LYSET: variants seen among roughly 807,000 people sequenced by gnomAD.
The protein encoded by LYSET is lysosomal enzyme trafficking factor.
chr14:93,186,355 T>C, the LYSET span: 1 of 1,614,096 alleles, frequency 6.2e-7, no homozygotes, highest in Non-Finnish European at 8.5e-7. Flanking sequence ...TTTTACTATG[T>C]TTTTGAAATC....
At chr14:93,186,690 C>G in the LYSET span, 2 of 1,567,232 alleles carry the variant, frequency 1.3e-6, no homozygotes, top group Non-Finnish European at 1.7e-6. Context: ...ACCGTTTTTT[C>G]CCTACGATTA....
the LYSET span, chr14:93,186,281 G>C: frequency 2.5e-5 from 41 of 1,613,976 alleles, no homozygotes; most frequent in Admixed American, 6.8e-4. Context: ...GGAGAATGAT[G>C]AACTTCCGTC....
the LYSET span, chr14:93,185,555 C>T: frequency 7.7e-7 from 1 of 1,300,854 alleles, no homozygotes; most frequent in Non-Finnish European, 1.1e-6. Flanking sequence ...ACGTCTGAAG[C>T]AGTACTGTTA....
the LYSET span, chr14:93,187,188 T>TA: frequency 6.1e-6 from 1 of 163,770 alleles, no homozygotes; most frequent in South Asian, 2.1e-4. Context: ...GAGGCATTGC[T>TA]AAAAAATTAT....
At chr14:93,187,910 C>G in the LYSET span, among the ~76,000 whole-genome samples, 1 of 151,978 alleles carries the variant, frequency 6.6e-6, no homozygotes, top group Non-Finnish European at 1.5e-5. Flanking sequence ...GCGTCAGCCT[C>G]CCAAAGGCCT....
At chr14:93,188,319 G>A in the LYSET span, among the ~76,000 whole-genome samples, 3 of 152,158 alleles carry the variant, frequency 2.0e-5, no homozygotes, top group African/African-American at 4.8e-5. Context: ...ATGCTATCAA[G>A]TCATAATCTT....
At chr14:93,185,242 C>T in the LYSET span, 27 of 495,492 alleles carry the variant, frequency 5.4e-5, no homozygotes, top group South Asian at 7.2e-4. Flanking sequence ...GGGTCAGGTT[C>T]TCAGAGCGGG....
chr14:93,185,527 T>A, the LYSET span: 1 of 1,523,450 alleles, frequency 6.6e-7, no homozygotes, highest in Non-Finnish European at 9.1e-7. Context: ...GGGGCTTGAC[T>A]TGTAGCACCC....
the LYSET span, among the ~76,000 whole-genome samples, chr14:93,186,026 G>C: frequency 6.6e-6 from 1 of 151,846 alleles, no homozygotes; most frequent in African/African-American, 2.4e-5. Context: ...CCGCCACCAC[G>C]CCCGGCTATT....
chr14:93,187,597 A>G, the LYSET span, among the ~76,000 whole-genome samples: 3 of 152,194 alleles, frequency 2.0e-5, no homozygotes, highest in Non-Finnish European at 4.4e-5. Flanking sequence ...AATGTGTTCA[A>G]TGAAAATCTA....
chr14:93,186,729 A>G, the LYSET span: 19 of 1,494,734 alleles, frequency 1.3e-5, no homozygotes, highest in Admixed American at 3.0e-4. Flanking sequence ...ATGGAGTCTG[A>G]TCACAAGACT....
chr14:93,185,919 A>G, the LYSET span, among the ~76,000 whole-genome samples: 1 of 146,850 alleles, frequency 6.8e-6, no homozygotes, highest in Non-Finnish European at 1.5e-5. Flanking sequence ...CCCAGGCTGG[A>G]GTGCAGTGGC....
chr14:93,185,805 C>T, the LYSET span, among the ~76,000 whole-genome samples: 11 of 148,798 alleles, frequency 7.4e-5, no homozygotes, highest in Admixed American at 7.4e-4. Context: ...TTTTACATTT[C>T]TTAATAGGTG....
the LYSET span, among the ~76,000 whole-genome samples, chr14:93,185,945 T>G: frequency 6.6e-6 from 1 of 151,780 alleles, no homozygotes; most frequent in African/African-American, 2.4e-5. Flanking sequence ...CTCGGCTCTC[T>G]GCAAGCTCTG....
chr14:93,186,244 C>A, the LYSET span: 1 of 1,590,324 alleles, frequency 6.3e-7, no homozygotes. Flanking sequence ...ATTGTATTTT[C>A]TTTTTTAATT....
chr14:93,186,446 C>A, the LYSET span: 4 of 1,614,232 alleles, frequency 2.5e-6, no homozygotes, highest in Non-Finnish European at 3.4e-6. Context: ...CATGGACACA[C>A]TCCTTGAAAG....
chr14:93,185,837 C>G, the LYSET span, among the ~76,000 whole-genome samples: 2 of 146,220 alleles, frequency 1.4e-5, no homozygotes, highest in African/African-American at 5.0e-5. Context: ...TATTTTAAAT[C>G]TTAAGTGTGT....
the LYSET span, chr14:93,185,232 G>A: frequency 2.4e-6 from 1 of 416,058 alleles, no homozygotes. Context: ...CCTCCCTGCC[G>A]GGTCAGGTTC....
chr14:93,186,619 C>T, the LYSET span: 1 of 1,613,828 alleles, frequency 6.2e-7, no homozygotes, highest in South Asian at 1.1e-5. Flanking sequence ...CGCCACCAGG[C>T]ATTTGTCAAG....
Sources: allele counts gnomAD v4.1 joint callset (sites outside exome capture counted in the v4.1 genomes callset), GRCh38; gene constraint gnomAD v4.1.1; transcripts MANE v1.5; gene names NCBI Gene and HGNC (gene_info 2026-07-23, HGNC 2026-07-21).